Variants in UGGT2 observed in about 807,000 individuals in gnomAD.
UGGT2 encodes the protein UDP-glucose:glycoprotein glucosyltransferase 2.
In UGGT2, 180 loss-of-function variants were observed where a neutral mutation model predicts 192.1. The observed-to-expected ratio is 0.94, with a 90% CI of 0.83 to 1.06. The LOEUF is 1.06. UGGT2 is among the 50% of genes least tolerant of loss of function. UGGT2 has a pLI of 0.00. For missense variants in UGGT2, 1,849 were observed against 1,795.7 expected, an observed-to-expected ratio of 1.03 and a Z score of -0.54; for synonymous variants, 580 against 591.0, an observed-to-expected ratio of 0.98 and a Z score of 0.27.
chr13:95,821,069 T>C (rs1885461134), intron 38 of UGGT2, among the ~76,000 whole-genome samples: 1 of 152,190 alleles, frequency 6.6e-6, no homozygotes, highest in African/African-American at 2.4e-5. Flanking sequence ...TGTGTCTTTC[T>C]CATACAATAA....
Position 96,034,989 on chromosome 13 carries a change from T to C in UGGT2, c.159-3018A>G, listed in dbSNP as rs963462841. Among the ~76,000 whole-genome samples the C allele has an allele frequency of 2.0e-5, 3 of 152,202 alleles. No individual in the cohort carries two copies. In the South Asian group the frequency reaches 6.2e-4, roughly 31 times the overall value. On this transcript the variant is annotated intron_variant, in intron 1 of 38. Coordinates refer to ENST00000376747, the MANE Select transcript of UGGT2 (RefSeq NM_020121.4). ...ACTAGGGCAAAGGTGCTACCAGCCA[T>C]AGAGGTTTCCGGCTGGCAAAGCCAA...
intron 20 of UGGT2, among the ~76,000 whole-genome samples, chr13:95,921,887 A>G (rs911850126): frequency 6.6e-6 from 1 of 152,356 alleles, no homozygotes. Context: ...AGAGAACTAA[A>G]AACAGAACTA....
chr13:95,903,364 A>G (rs1165323639), intron 20 of UGGT2, among the ~76,000 whole-genome samples: 1 of 152,168 alleles, frequency 6.6e-6, no homozygotes, highest in African/African-American at 2.4e-5. Context: ...GAGCTCAGTG[A>G]ATTAACCCAT....
At chr13:95,882,760 T>C (rs1266888802) in intron 27 of UGGT2, among the ~76,000 whole-genome samples, 2 of 152,180 alleles carry the variant, frequency 1.3e-5, no homozygotes, top group African/African-American at 4.8e-5. Flanking sequence ...TTAATCTCCA[T>C]CAGCTGTTGA....
At chr13:95,954,994 G>A (rs1318072834) in intron 12 of UGGT2, among the ~76,000 whole-genome samples, 1 of 152,180 alleles carries the variant, frequency 6.6e-6, no homozygotes, top group Non-Finnish European at 1.5e-5. Flanking sequence ...ATGTGTAACA[G>A]TTGTCTATGC....
At chr13:95,877,072 T>C (rs561989506) in intron 29 of UGGT2, 1 of 416,948 alleles carries the variant, frequency 2.4e-6, no homozygotes, top group South Asian at 5.9e-5. Context: ...TTAGTACAGA[T>C]GGGGTTTTGC....
chr13:95,900,265 G>A (rs1014046399), intron 22 of UGGT2, among the ~76,000 whole-genome samples: 9 of 152,014 alleles, frequency 5.9e-5, no homozygotes, highest in African/African-American at 1.9e-4. Flanking sequence ...AAAAAGGGCT[G>A]AAAGGAAAAA....
intron 38 of UGGT2, among the ~76,000 whole-genome samples, chr13:95,827,976 C>T (rs1886220317): frequency 6.6e-6 from 1 of 152,142 alleles, no homozygotes; most frequent in South Asian, 2.1e-4. Flanking sequence ...CACGACTTCA[C>T]CTTGCACTCT....
intron 12 of UGGT2, among the ~76,000 whole-genome samples, chr13:95,969,113 G>A (rs1202379597): frequency 1.3e-5 from 2 of 152,154 alleles, no homozygotes; most frequent in African/African-American, 4.8e-5. Flanking sequence ...AGCCACTGAT[G>A]GCAGGTACAG....
intron 12 of UGGT2, among the ~76,000 whole-genome samples, chr13:95,964,640 A>C (rs182199364): frequency 6.6e-6 from 1 of 152,312 alleles, no homozygotes; most frequent in Admixed American, 6.5e-5. Context: ...AAAGAGCAAA[A>C]TATCTGAATT....
chr13:95,811,345 A>T lies in UGGT2; in HGVS notation c.4529-9533T>A, dbSNP rs185303019. On this transcript the variant is annotated intron_variant, in intron 38 of 38. Coordinates refer to ENST00000376747, the MANE Select transcript of UGGT2 (RefSeq NM_020121.4). ...TTAACAGCATAATGCTAAGTGAAAT[A>T]AGCCAGTTACTAATTATGACACTGG... 3.5e-4 allele frequency among the ~76,000 whole-genome samples: 54 copies of T among 152,352 alleles called. No homozygotes were observed. The East Asian group carries it at 8.5e-3, about 24-fold the overall frequency.
chr13:95,897,430 AAT>A (rs1335293324), intron 22 of UGGT2, among the ~76,000 whole-genome samples: 6 of 152,292 alleles, frequency 3.9e-5, no homozygotes, highest in East Asian at 3.9e-4. Context: ...ATTAATATTA[AAT>A]ATGTCAATTT....
At chr13:96,043,278 A>G (rs2053216719) in intron 1 of UGGT2, among the ~76,000 whole-genome samples, 1 of 152,206 alleles carries the variant, frequency 6.6e-6, no homozygotes, top group Non-Finnish European at 1.5e-5. Context: ...ATCTTCATAA[A>G]TGAAGGAAAG....
chr13:96,049,579 C>G (rs1409114281), intron 1 of UGGT2, among the ~76,000 whole-genome samples: 2 of 152,058 alleles, frequency 1.3e-5, no homozygotes, highest in African/African-American at 2.4e-5. Context: ...TTTAGAAAAC[C>G]CCATCATCTC....
At chr13:95,868,591 C>A (rs1259098293) in intron 29 of UGGT2, among the ~76,000 whole-genome samples, 4 of 151,514 alleles carry the variant, frequency 2.6e-5, no homozygotes, top group Non-Finnish European at 5.9e-5. Context: ...GCAAGAGAGA[C>A]CCTGTCACAA....
At chr13:95,860,314 T>C (rs1316551311) in intron 32 of UGGT2, among the ~76,000 whole-genome samples, 1 of 148,756 alleles carries the variant, frequency 6.7e-6, no homozygotes, top group Non-Finnish European at 1.5e-5. Context: ...ATTATATATA[T>C]ATAAATATTG....
At chr13:96,015,962 T>TA (rs2052325626) in intron 4 of UGGT2, among the ~76,000 whole-genome samples, 1 of 152,168 alleles carries the variant, frequency 6.6e-6, no homozygotes, top group Non-Finnish European at 1.5e-5. Flanking sequence ...GGAACTGGAG[T>TA]AAAGGTCACC....
At chr13:95,978,845 T>A (rs1398516691) in intron 10 of UGGT2, among the ~76,000 whole-genome samples, 1 of 152,214 alleles carries the variant, frequency 6.6e-6, no homozygotes, top group Non-Finnish European at 1.5e-5. Context: ...TTTACAGATG[T>A]AGTTTTGAGA....
intron 38 of UGGT2, among the ~76,000 whole-genome samples, chr13:95,820,315 CAGA>C (rs1319674574): frequency 6.6e-6 from 1 of 152,040 alleles, no homozygotes; most frequent in Non-Finnish European, 1.5e-5. Context: ...TTAATTTCCA[CAGA>C]AGAAGCAGAC....
Sources: gnomAD v4.1 joint callset for allele counts (sites outside exome capture counted in the v4.1 genomes callset) on GRCh38, gnomAD v4.1.1 for gene constraint, MANE v1.5 for transcripts, NCBI Gene and HGNC (gene_info 2026-07-23, HGNC 2026-07-21) for gene names.